Variants in PPP2R5A observed in about 807,000 individuals in gnomAD.
The protein encoded by PPP2R5A is protein phosphatase 2 regulatory subunit B'alpha, also known as serine/threonine-protein phosphatase 2A 56 kDa regulatory subunit alpha isoform.
A neutral mutation model predicts 64.2 loss-of-function variants in PPP2R5A; 25 were observed. The ratio of observed to expected loss-of-function variants is 0.39; its 90% CI spans 0.28 to 0.54. The LOEUF (loss-of-function observed/expected upper bound fraction) is 0.54. PPP2R5A is among the 20% of genes least tolerant of loss of function. PPP2R5A has a pLI of 0.67. For missense variants in PPP2R5A, 425 were observed against 576.3 expected (o/e 0.74, Z 2.69); for synonymous variants, 198 against 201.2 (o/e 0.98, Z 0.13).
chr1:212,333,606 A>T lies in PPP2R5A; in HGVS notation c.480+8A>T. The T allele has an allele frequency of 6.9e-7, 1 of 1,448,400 alleles. No homozygotes were observed. Among genetic ancestry groups the T allele is most frequent in the East Asian group, 2.4e-5 (1 of 42,248 alleles). The allele number at this position is 1,448,400 out of a possible 1,614,324, so 89.7% of individuals were successfully genotyped here. On this transcript the variant is annotated splice_region_variant and intron_variant, in intron 3 of 12. Coordinates refer to ENST00000261461, the MANE Select transcript of PPP2R5A (RefSeq NM_006243.4). ...TCTTGGCCTCACATACAGGTATGGA[A>T]CATAATTACGTATTGGCAGTTTTTA...
At chr1:212,355,648 G>A (rs971198926) in intron 8 of PPP2R5A, among the ~76,000 whole-genome samples, 1 of 150,746 alleles carries the variant, frequency 6.6e-6, no homozygotes, top group Non-Finnish European at 1.5e-5. Context: ...CAAATGACTT[G>A]AAAATCTTTT....
intron 2 of PPP2R5A, among the ~76,000 whole-genome samples, chr1:212,331,287 A>C (rs898297790): frequency 2.6e-5 from 4 of 151,336 alleles, no homozygotes; most frequent in African/African-American, 9.7e-5. Context: ...AAGCCTCCTG[A>C]GTAGGTAGAA....
intron 1 of PPP2R5A, among the ~76,000 whole-genome samples, chr1:212,291,114 A>T (rs1046033892): frequency 1.4e-4 from 21 of 148,762 alleles, no homozygotes; most frequent in East Asian, 3.9e-4. Context: ...ATTTTATTTT[A>T]TTTTATTTTT....
Position 212,356,884 on chromosome 1 carries a change from G to A in PPP2R5A, c.979-66G>A, listed in dbSNP as rs1035866534. On this transcript the variant is annotated intron_variant, in intron 9 of 12. Coordinates refer to ENST00000261461, the MANE Select transcript of PPP2R5A (RefSeq NM_006243.4). ...ACTATGCAGATTAACCTTCTCATTT[G>A]TATGGTTTCTATATTAGTTTCACAT... 2.6e-5 allele frequency: 36 copies of A among 1,383,238 alleles called. No individual in the cohort carries two copies. The African/African-American group carries it at 5.0e-4, about 19-fold the overall frequency. 85.7% of individuals were successfully genotyped at this position (1,383,238 alleles called of 1,614,324 possible).
At chr1:212,319,993 G>A (rs1414982728) in intron 1 of PPP2R5A, among the ~76,000 whole-genome samples, 8 of 135,980 alleles carry the variant, frequency 5.9e-5, no homozygotes, top group East Asian at 2.1e-4. Context: ...GGTGTTTCTC[G>A]CAGAGGGGGA....
At chr1:212,355,009 A>T (rs765443733) in intron 8 of PPP2R5A, among the ~76,000 whole-genome samples, 2 of 152,194 alleles carry the variant, frequency 1.3e-5, no homozygotes, top group Non-Finnish European at 2.9e-5. Context: ...GCCTAATGAC[A>T]CATTTCTTAG....
chr1:212,289,968 C>G (rs1658571109), intron 1 of PPP2R5A, among the ~76,000 whole-genome samples: 1 of 151,994 alleles, frequency 6.6e-6, no homozygotes, highest in Admixed American at 6.6e-5. Context: ...ATTTTTTTAC[C>G]AAGCGAAGAA....
intron 1 of PPP2R5A, among the ~76,000 whole-genome samples, chr1:212,311,015 T>G (rs1403030453): frequency 6.6e-6 from 1 of 152,132 alleles, no homozygotes; most frequent in African/African-American, 2.4e-5. Context: ...ATAACGATGT[T>G]TTGGTCCATG....
intron 8 of PPP2R5A, among the ~76,000 whole-genome samples, chr1:212,355,381 T>C (rs1296275014): frequency 6.6e-6 from 1 of 152,190 alleles, no homozygotes; most frequent in Non-Finnish European, 1.5e-5. Flanking sequence ...ATTGTTATCT[T>C]ACTGGATTGT....
intron 1 of PPP2R5A, among the ~76,000 whole-genome samples, chr1:212,321,622 A>C (rs1161303799): frequency 1.4e-5 from 2 of 143,308 alleles, no homozygotes; most frequent in African/African-American, 5.8e-5. Flanking sequence ...CCCACATCTC[A>C]GACGATGGGC....
At chr1:212,292,329 C>A (rs1404975735) in intron 1 of PPP2R5A, among the ~76,000 whole-genome samples, 2 of 152,174 alleles carry the variant, frequency 1.3e-5, no homozygotes, top group African/African-American at 2.4e-5. Context: ...GTGATGCTCT[C>A]TCTCCAGAAT....
At chr1:212,358,986 T>C (rs1558157368) in intron 12 of PPP2R5A, among the ~76,000 whole-genome samples, 199 bp downstream of exon 12, 1 of 152,208 alleles carries the variant, frequency 6.6e-6, no homozygotes, top group African/African-American at 2.4e-5. Context: ...TTTATAAATT[T>C]GTTAAAGCAG....
rs561540236 is a variant in PPP2R5A, at chr1:212,346,350, T to TG, written c.704+421dup. Reference sequence around the variant, plus strand: ...CCTGAACTCAAGCAGTCCTCTTATATGGGGCCTATCATTTGCTTGTAGTCA... The same window carrying TG: ...CCTGAACTCAAGCAGTCCTCTTATATGGGGGCCTATCATTTGCTTGTAGTCA... On this transcript the variant is annotated intron_variant, in intron 5 of 12. Transcript: ENST00000261461. Among the ~76,000 whole-genome samples, 115 of 152,088 alleles carry TG rather than the reference T, an allele frequency of 7.6e-4. 1 individual carries two copies. The highest frequency in any genetic ancestry group is 6.8e-3 in the Middle Eastern group (2 of 294).
Position 212,294,964 on chromosome 1 carries a change from A to G in PPP2R5A, c.181+8673A>G, listed in dbSNP as rs371805158. ...TGGAGACCCAAAGGTAATTGAGCAT[A>G]GCATATTTTGGGAATTACCAGCAGT... On this transcript the variant is annotated intron_variant, in intron 1 of 12. Coordinates refer to ENST00000261461, the MANE Select transcript of PPP2R5A (RefSeq NM_006243.4). 5.3e-5 allele frequency among the ~76,000 whole-genome samples: 8 copies of G among 152,186 alleles called. No individual in the cohort carries two copies. In the South Asian group the frequency reaches 1.2e-3, roughly 24 times the overall value.
chr1:212,319,618 CTTTTTTTTT>C (rs11417541), intron 1 of PPP2R5A: 2 of 126,968 alleles, frequency 1.6e-5, no homozygotes, highest in East Asian at 2.2e-4. Flanking sequence ...GTTTTCTTTT[CTTTTTTTTT>C]TTTTTTTTTT....
chr1:212,337,736 A>C (rs1210887060), intron 3 of PPP2R5A, among the ~76,000 whole-genome samples: 1 of 152,120 alleles, frequency 6.6e-6, no homozygotes, highest in Non-Finnish European at 1.5e-5. Context: ...AGAGGGAAAA[A>C]ACCTAGGCTC....
At chr1:212,296,349 G>A (rs139573880) in intron 1 of PPP2R5A, among the ~76,000 whole-genome samples, 2 of 152,276 alleles carry the variant, frequency 1.3e-5, no homozygotes, top group African/African-American at 4.8e-5. Context: ...ATCAAAGAGT[G>A]CCCATTTGTT....
At chr1:212,304,985 C>T (rs1005459615) in intron 1 of PPP2R5A, among the ~76,000 whole-genome samples, 6 of 149,958 alleles carry the variant, frequency 4.0e-5, no homozygotes, top group African/African-American at 1.2e-4. Flanking sequence ...CCCACCCCTG[C>T]GTCCCTGAGT....
chr1:212,301,757 C>G, intron 1 of PPP2R5A: 1 of 1,002,328 alleles, frequency 1.0e-6, no homozygotes, highest in Non-Finnish European at 1.2e-6. Flanking sequence ...AAATTAGAAT[C>G]TTGGATTGCA....
Sources: gnomAD v4.1 joint callset for allele counts (sites outside exome capture counted in the v4.1 genomes callset) on GRCh38, gnomAD v4.1.1 for gene constraint, MANE v1.5 for transcripts, NCBI Gene and HGNC (gene_info 2026-07-23, HGNC 2026-07-21) for gene names.